The following PCSK1 variants were observed in gnomAD, a reference collection of about 807,000 sequenced individuals.
PCSK1 encodes the protein neuroendocrine convertase 1.
Under a neutral mutation model 90.6 loss-of-function variants are expected in PCSK1, and 56 were observed. The ratio of observed to expected loss-of-function variants is 0.62; its 90% confidence interval spans 0.50 to 0.77. The LOEUF (loss-of-function observed/expected upper bound fraction) is 0.77. Ranked by LOEUF, PCSK1 falls within the 30% of genes least tolerant of loss-of-function variation. The pLI is 0.00. For synonymous variants in PCSK1, 348 were observed against 342.4 expected (o/e 1.02, Z -0.18); for missense variants, 801 against 932.6 (o/e 0.86, Z 1.84).
rs1759995713 is a variant in PCSK1 at position 96,392,905 on chromosome 5, T to C, written c.*96A>G. 1 of 1,229,446 alleles carries C rather than the reference T, an allele frequency of 8.1e-7. No homozygotes were observed. Among genetic ancestry groups the C allele is most frequent in the African/African-American group, 1.5e-5 (1 of 67,456 alleles). The allele number at this position is 1,229,446 out of a possible 1,614,324, so 76.2% of individuals were successfully genotyped here. A position where few individuals can be genotyped will look rare whatever the true frequency, so the allele number is the denominator to read the frequency against. On this transcript the variant is annotated 3_prime_UTR_variant, in exon 14 of 14. Coordinates refer to ENST00000311106, the MANE Select transcript of PCSK1 (RefSeq NM_000439.5). ...GGTGCCACAAAGGATATTATAAGCA[T>C]AAGAATTCATGACAAAACAACCACT...
At chr5:96,426,655 G>C (rs543904017) in intron 2 of PCSK1, among the ~76,000 whole-genome samples, 1 of 152,104 alleles carries the variant, frequency 6.6e-6, no homozygotes, top group Non-Finnish European at 1.5e-5. Flanking sequence ...CTGCCTTGTA[G>C]TTATATTCAT....
chr5:96,433,244 T>G lies in PCSK1; in HGVS notation c.-202A>C. On this transcript the variant is annotated 5_prime_UTR_variant, in exon 1 of 14. Transcript: ENST00000311106. Reference sequence around the variant, plus strand: ...CAGTGAAGCGCTTCGGTCTCCAGGCTGAGTGGAGCCCCAGCCCTTCCCAGC... The same window carrying G: ...CAGTGAAGCGCTTCGGTCTCCAGGCGGAGTGGAGCCCCAGCCCTTCCCAGC... The G allele has an allele frequency of 1.6e-6, 1 of 614,294 alleles. No individual in the cohort carries two copies. Among genetic ancestry groups the G allele is most frequent in the Non-Finnish European group, 2.9e-6 (1 of 342,630 alleles). 38.1% of individuals were successfully genotyped at this position (614,294 alleles called of 1,614,324 possible). A position where few individuals can be genotyped will look rare whatever the true frequency, so the allele number is the denominator to read the frequency against.
chr5:96,422,576 A>T (rs918672841), intron 4 of PCSK1, among the ~76,000 whole-genome samples: 4 of 152,120 alleles, frequency 2.6e-5, no homozygotes, highest in African/African-American at 9.7e-5. Context: ...CTTTCCGTAT[A>T]TTTCAATCAT....
At chr5:96,405,053 A>G (rs180825772) in intron 9 of PCSK1, among the ~76,000 whole-genome samples, 14 of 152,294 alleles carry the variant, frequency 9.2e-5, no homozygotes, top group Admixed American at 7.8e-4. Context: ...GCTTGGTCAC[A>G]TGTCTAGAAA....
rs191960713 is a variant in PCSK1 at position 96,390,814 on chromosome 5, C to T, written c.*2187G>A. The T allele has an allele frequency of 1.1e-3, 170 of 152,700 alleles. 1 individual carries two copies. The highest frequency in any genetic ancestry group is 1.2e-3 in the Non-Finnish European group (84 of 68,014). The allele number at this position is 152,700 out of a possible 1,614,324, so 9.5% of individuals were successfully genotyped here. A position where few individuals can be genotyped will look rare whatever the true frequency, so the allele number is the denominator to read the frequency against. ...AAAGACTGACAAAACTGTTTTATAT[C>T]TGAATATTATACTCCAGGTTGGAAA... On this transcript the variant is annotated 3_prime_UTR_variant, in exon 14 of 14. Coordinates refer to ENST00000311106, the MANE Select transcript of PCSK1 (RefSeq NM_000439.5).
At chr5:96,393,699 T>C (rs1000961578) in intron 13 of PCSK1, among the ~76,000 whole-genome samples, 1 of 152,218 alleles carries the variant, frequency 6.6e-6, no homozygotes, top group Admixed American at 6.5e-5. Flanking sequence ...TCTTTACTTG[T>C]CAGCCTGCTG....
chr5:96,415,877 C>T (rs1760923516), intron 6 of PCSK1, among the ~76,000 whole-genome samples, 156 bp downstream of exon 6: 1 of 152,016 alleles, frequency 6.6e-6, no homozygotes, highest in African/African-American at 2.4e-5. Flanking sequence ...TCTATTGACT[C>T]GCTGGCAAAT....
intron 8 of PCSK1, among the ~76,000 whole-genome samples, chr5:96,409,575 T>C (rs1760686173): frequency 6.6e-6 from 1 of 152,238 alleles, no homozygotes; most frequent in African/African-American, 2.4e-5. Flanking sequence ...TTCTTCTGCT[T>C]CAGTGCAGGT....
chr5:96,414,974 G>A (rs1223754887), intron 6 of PCSK1, among the ~76,000 whole-genome samples: 1 of 152,176 alleles, frequency 6.6e-6, no homozygotes, highest in African/African-American at 2.4e-5. Flanking sequence ...CAAATGCAAG[G>A]TATACTCATG....
chr5:96,403,093 A>G (rs1281616966), intron 9 of PCSK1, among the ~76,000 whole-genome samples: 3 of 152,130 alleles, frequency 2.0e-5, no homozygotes, highest in Admixed American at 2.0e-4. Context: ...GCTTAAGGCA[A>G]GGTGCTGATA....
Position 96,390,352 on chromosome 5 carries a change from CT to C in PCSK1, c.*2648del, listed in dbSNP as rs967513865. 6.6e-6 allele frequency: 1 copy of C among 152,072 alleles called. No homozygotes were observed. The highest frequency in any genetic ancestry group is 2.1e-4 in the South Asian group (1 of 4,824). The allele number at this position is 152,072 out of a possible 1,614,324, so 9.4% of individuals were successfully genotyped here. A position where few individuals can be genotyped will look rare whatever the true frequency, so the allele number is the denominator to read the frequency against. ...ATCTTGTTTGTGGTGGAAACATGAG[CT>C]TTTTTTCTTTTGACTTAGTGAGAAA... On this transcript the variant is annotated 3_prime_UTR_variant, in exon 14 of 14. Transcript: ENST00000311106.
At chr5:96,394,613 G>A (rs996038605) in intron 13 of PCSK1, among the ~76,000 whole-genome samples, 7 of 152,182 alleles carry the variant, frequency 4.6e-5, no homozygotes, top group Non-Finnish European at 8.8e-5. Context: ...TCTGTCATAA[G>A]TGGAGAAAAT....
chr5:96,400,677 C>A (rs1298195582), intron 9 of PCSK1, among the ~76,000 whole-genome samples: 1 of 152,168 alleles, frequency 6.6e-6, no homozygotes, highest in Non-Finnish European at 1.5e-5. Flanking sequence ...ACATGTATTG[C>A]CTTTTTCTTT....
In PCSK1 at chr5:96,410,935, GC is replaced by G; in HGVS notation, c.933del (p.Arg312ValfsTer122). 6.2e-7 allele frequency: 1 copy of G among 1,613,864 alleles called. No homozygotes were observed. Among genetic ancestry groups the G allele is most frequent in the Non-Finnish European group, 8.5e-7 (1 of 1,179,950 alleles). ...SIFVWASGNGGRQGDNCDCDG... is the reference protein window; with the variant it reads ...SIFVWASGNGXRQGDNCDCDG... The stretch of plus-strand genomic sequence containing the variant: ...TCACAGTCACAATTATCTCCCTGAC[GC>G]CCCCCGTTTCCCGAAGCCCAGACGA... On this transcript the variant is annotated frameshift_variant, in exon 8 of 14. Transcript: ENST00000311106. LOFTEE classifies it high-confidence loss of function.
At position 96,398,989 on chromosome 5, in the gene PCSK1, G is replaced by T. The variant is rs1174793701; in HGVS notation, c.1478C>A (p.Ala493Asp). ...GATAGCATTTTCTTGTCCTTCACAA[G>T]CTCTTGTTGGAATTTCAATGATAAC... is the stretch of plus-strand genomic sequence containing the variant. ...GEVIIEIPTR[A>D]CEGQENAIKS... The change falls in exon 11 of 14, where the codon GCT (alanine) becomes GAT (aspartate). Residue 493 changes from alanine (A) to aspartate (D), a missense_variant. By Grantham distance (126) the Ala-to-Asp change is moderately radical. Coordinates refer to ENST00000311106, the MANE Select transcript of PCSK1 (RefSeq NM_000439.5). The T allele has an allele frequency of 1.2e-6, 2 of 1,612,298 alleles. No homozygotes were observed. Among genetic ancestry groups the T allele is most frequent in the Non-Finnish European group, 1.7e-6 (2 of 1,178,614 alleles).
In PCSK1 at chr5:96,432,957, C is replaced by G; in HGVS notation, c.86G>C (p.Arg29Thr). 6.2e-7 allele frequency: 1 copy of G among 1,614,246 alleles called. No individual in the cohort carries two copies. Among genetic ancestry groups the G allele is most frequent in the Non-Finnish European group, 8.5e-7 (1 of 1,180,036 alleles). The change falls in exon 1 of 14, where the codon AGG (arginine) becomes ACG (threonine). Residue 29 changes from arginine to threonine, a missense_variant. Coordinates refer to ENST00000311106, the MANE Select transcript of PCSK1 (RefSeq NM_000439.5). The stretch of plus-strand genomic sequence containing the variant: ...CGCTGCCCATTCATTGACAAATTGC[C>G]TTTTCGCTTTTGCACTGTTCAGTGC... ...WCALNSAKAKRQFVNEWAAEI... is the reference protein window; with the variant it reads ...WCALNSAKAKTQFVNEWAAEI...
chr5:96,425,020 G>GA (rs1220096411), intron 3 of PCSK1, among the ~76,000 whole-genome samples: 76 of 59,092 alleles, frequency 1.3e-3, no homozygotes, highest in African/African-American at 2.8e-3. Context: ...AAGAAAGAAA[G>GA]AAAGAAAGAA....
intron 9 of PCSK1, among the ~76,000 whole-genome samples, chr5:96,403,185 G>GT (rs772403924): frequency 2.0e-5 from 3 of 152,146 alleles, no homozygotes; most frequent in Non-Finnish European, 4.4e-5. Flanking sequence ...AGGTTATTTT[G>GT]TTTTAAAAAT....
chr5:96,398,029 T>C (rs770238853), intron 11 of PCSK1, among the ~76,000 whole-genome samples: 3 of 152,172 alleles, frequency 2.0e-5, no homozygotes, highest in Non-Finnish European at 2.9e-5. Context: ...CCTGTAAATT[T>C]TTAAGTCCCA....
Sources: allele counts gnomAD v4.1 joint callset (sites outside exome capture counted in the v4.1 genomes callset), GRCh38; gene constraint gnomAD v4.1.1; transcripts MANE v1.5; gene names NCBI Gene and HGNC (gene_info 2026-07-23, HGNC 2026-07-21).